ARHGAP11A: variants seen among roughly 807,000 people sequenced by gnomAD.
ARHGAP11A encodes rho GTPase-activating protein 11A.
A neutral mutation model predicts 60.5 loss-of-function variants in ARHGAP11A; 36 were observed. The ratio of observed to expected loss-of-function variants is 0.59; its 90% CI spans 0.46 to 0.79. The LOEUF (loss-of-function observed/expected upper bound fraction) is 0.79, where lower values mean the gene tolerates loss of function less well. Among genes scored for constraint, ARHGAP11A ranks in the 30% least tolerant of loss-of-function variants. The probability of loss-of-function intolerance (pLI) is 0.00; values close to 1 mark genes in which losing one functional copy is unlikely to be tolerated. For synonymous variants in ARHGAP11A, 362 were observed against 415.5 expected (o/e 0.87, Z 1.57); for missense variants, 1,071 against 1,199.2 (o/e 0.89, Z 1.58).
chr15:32,637,919 T>C lies in ARHGAP11A; in HGVS notation c.*74T>C. ...TATGACTTGCAGGATGATGTACATG[T>C]TAGTTTGTAGCTCAGGATGATTGTT... On this transcript the variant is annotated 3_prime_UTR_variant, in exon 12 of 12. Transcript: ENST00000361627. 7.8e-7 allele frequency: 1 copy of C among 1,275,364 alleles called. No individual in the cohort carries two copies. Among genetic ancestry groups the C allele is most frequent in the Non-Finnish European group, 1.1e-6 (1 of 934,382 alleles). The allele number at this position is 1,275,364 out of a possible 1,614,324, so 79.0% of individuals were successfully genotyped here.
Position 32,636,933 on chromosome 15 carries a change from T to TGAA in ARHGAP11A, c.2164_2166dup (p.Glu722dup). 6.2e-7 allele frequency: 1 copy of TGAA among 1,611,246 alleles called. No individual in the cohort carries two copies. Among genetic ancestry groups the TGAA allele is most frequent in the Non-Finnish European group, 8.5e-7 (1 of 1,179,248 alleles). On this transcript the variant is annotated inframe_insertion, in exon 12 of 12. Coordinates refer to ENST00000361627, the MANE Select transcript of ARHGAP11A (RefSeq NM_014783.6). ...TAAGCAAGCAAGAATTCTCCAGTGA[T>TGAA]GAAGAAATAAAGAAACAGCAGTCCC...
chr15:32,623,743 G>C (rs2140452092), intron 3 of ARHGAP11A, among the ~76,000 whole-genome samples, 155 bp downstream of exon 3: 1 of 151,640 alleles, frequency 6.6e-6, no homozygotes, highest in South Asian at 2.1e-4. Flanking sequence ...CAAAAGAAAT[G>C]GTATATTATT....
At chr15:32,635,946 C>A (rs375099725) in intron 11 of ARHGAP11A, 31 bp downstream of exon 11, 1 of 1,548,286 alleles carries the variant, frequency 6.5e-7, no homozygotes, top group South Asian at 1.3e-5. Context: ...TAGAGTTTTA[C>A]CTAAAAATCC....
chr15:32,622,501 T>C (rs571985892), intron 2 of ARHGAP11A, among the ~76,000 whole-genome samples: 164 of 152,376 alleles, frequency 1.1e-3, no homozygotes, highest in African/African-American at 3.7e-3. Context: ...TATATCTTCA[T>C]TGTAATTTCA....
At chr15:32,621,836 AAAAG>A (rs2053324200) in intron 2 of ARHGAP11A, among the ~76,000 whole-genome samples, 11 of 143,772 alleles carry the variant, frequency 7.7e-5, no homozygotes, top group East Asian at 2.0e-4. Context: ...AAAAAAAAAA[AAAAG>A]AAAAAAAAAG....
rs149897100 is a variant in ARHGAP11A, at chr15:32,637,770, C to G, written c.2997C>G (p.Ala999=). 6.2e-7 allele frequency: 1 copy of G among 1,613,706 alleles called. No homozygotes were observed. Among genetic ancestry groups the G allele is most frequent in the Admixed American group, 1.7e-5 (1 of 59,946 alleles). Residue 999 remains alanine (A), a synonymous_variant, in exon 12 of 12, where the codon GCC becomes GCG. Transcript: ENST00000361627. Reference sequence around the variant, plus strand: ...GGAGACCATCAGAAAGAGGAAGGGCCTGGTACAAAGGTTCTCCAAAACATC... The same window carrying G: ...GGAGACCATCAGAAAGAGGAAGGGCGTGGTACAAAGGTTCTCCAAAACATC... ...VLRRPSERGR[A]WYKGSPKHPI...
At chr15:32,627,273 A>G (rs1248201313) in intron 6 of ARHGAP11A, among the ~76,000 whole-genome samples, 1 of 151,820 alleles carries the variant, frequency 6.6e-6, no homozygotes, top group East Asian at 1.9e-4. Flanking sequence ...TATCCTCTTT[A>G]TCCTGGTTCT....
rs150942311 is a variant in ARHGAP11A, at chr15:32,625,541, G to A, written c.770G>A (p.Gly257Asp). 2 of 1,613,874 alleles carry A rather than the reference G, an allele frequency of 1.2e-6. No individual in the cohort carries two copies. Among genetic ancestry groups the A allele is most frequent in the South Asian group, 1.1e-5 (1 of 91,076 alleles). ...ATACCAGCCATGTTGGGTATTGATG[G>A]TCTCTGTGCTACTCCATCACTGGAA... Reference protein sequence around the residue: ...EKIPAMLGIDGLCATPSLEGF... With the variant: ...EKIPAMLGIDDLCATPSLEGF... Residue 257 changes from glycine (G) to aspartate (D), a missense_variant, in exon 6 of 12, where the codon GGT becomes GAT. This residue lies in a region of ARHGAP11A where 196 missense variants were observed against 272.1 expected (regional missense o/e 0.72). Transcript: ENST00000361627.
In ARHGAP11A at chr15:32,628,922, A is replaced by G. The variant is rs2053528580; in HGVS notation, c.937+120A>G. 4.1e-6 allele frequency: 3 copies of G among 732,936 alleles called. No individual in the cohort carries two copies. The South Asian group carries it at 8.1e-5, about 20-fold the overall frequency. The allele number at this position is 732,936 out of a possible 1,614,324, so 45.4% of individuals were successfully genotyped here. A position where few individuals can be genotyped will look rare whatever the true frequency, so the allele number is the denominator to read the frequency against. ...ATTTAGTTTAATCAAATCAAATATTATTTTTAATAGTCATACTGTACTATA... is the reference window on the plus strand; with the variant it reads ...ATTTAGTTTAATCAAATCAAATATTGTTTTTAATAGTCATACTGTACTATA... On this transcript the variant is annotated intron_variant, in intron 7 of 11. Transcript: ENST00000361627.
In ARHGAP11A at chr15:32,637,048, G is replaced by A. The variant is rs370589918; in HGVS notation, c.2275G>A (p.Ala759Thr). 3.7e-6 allele frequency: 6 copies of A among 1,613,878 alleles called. No homozygotes were observed. The highest frequency in any genetic ancestry group is 1.3e-5 in the African/African-American group (1 of 74,934). ...GTGTGCAGCACATAGCAAGGACGAG[G>A]CTAGATCCTCTTTCTCACAGCAGAG... ...PKCAAHSKDE[A>T]RSSFSQQSTC... The change falls in exon 12 of 12, where the codon GCT (alanine) becomes ACT (threonine). Residue 759 changes from alanine to threonine, a missense_variant. Physicochemically the swap from Ala to Thr is moderately conservative, Grantham distance 58 (BLOSUM62 0). This residue lies in a region of ARHGAP11A where 776 missense variants were observed against 760.2 expected (regional missense o/e 1.02). Transcript: ENST00000361627.
intron 5 of ARHGAP11A, 97 bp downstream of exon 5, chr15:32,625,340 A>G: frequency 1.4e-6 from 2 of 1,459,310 alleles, no homozygotes; most frequent in East Asian, 4.6e-5. Flanking sequence ...GAAAGTTGGT[A>G]TATTACTGAC....
In ARHGAP11A at chr15:32,615,643, C is replaced by T. The variant is rs2053116590; in HGVS notation, c.-569C>T. The stretch of plus-strand genomic sequence containing the variant: ...GCTGATGGGGGAGGGAACGAGCAGC[C>T]TGTGAGACGGGGTGACGGCGGCTAC... On this transcript the variant is annotated 5_prime_UTR_variant, in exon 1 of 12. Coordinates refer to ENST00000361627, the MANE Select transcript of ARHGAP11A (RefSeq NM_014783.6). 1 of 152,678 alleles carries T rather than the reference C, an allele frequency of 6.5e-6. No homozygotes were observed. The highest frequency in any genetic ancestry group is 2.4e-5 in the African/African-American group (1 of 41,364). 9.5% of individuals were successfully genotyped at this position (152,678 alleles called of 1,614,324 possible). A position where few individuals can be genotyped will look rare whatever the true frequency, so the allele number is the denominator to read the frequency against.
chr15:32,633,008 T>C lies in ARHGAP11A; in HGVS notation c.1135T>C (p.Ser379Pro). The change falls in exon 9 of 12, where the codon TCT (serine) becomes CCT (proline). Residue 379 changes from serine to proline, a missense_variant. Physicochemically the swap from Ser to Pro is moderately conservative, Grantham distance 74. Transcript: ENST00000361627. ...VHIDTSSEGS[S>P]QSSLSPVLIG... ...CATCGATACAAGCTCAGAAGGGTCA[T>C]CTCAGAGTTCACTCTCTCCTGTACT... 1 of 1,613,932 alleles carries C rather than the reference T, an allele frequency of 6.2e-7. No homozygotes were observed. Among genetic ancestry groups the C allele is most frequent in the Non-Finnish European group, 8.5e-7 (1 of 1,179,834 alleles).
At chr15:32,628,909 C>G in intron 7 of ARHGAP11A, 107 bp downstream of exon 7, 1 of 811,486 alleles carries the variant, frequency 1.2e-6, no homozygotes, top group Non-Finnish European at 1.8e-6. Flanking sequence ...TTAGTTTAAT[C>G]AAATCAAATA....
intron 6 of ARHGAP11A, among the ~76,000 whole-genome samples, chr15:32,626,245 G>T (rs554004117): frequency 1.3e-5 from 2 of 151,240 alleles, no homozygotes; most frequent in South Asian, 4.2e-4. Flanking sequence ...GGTCAGCAAT[G>T]TGTGTCAGTA....
intron 5 of ARHGAP11A, 46 bp from the exon 6 acceptor site, chr15:32,625,441 T>G (rs1040741076): frequency 2.2e-5 from 35 of 1,591,640 alleles, no homozygotes; most frequent in Non-Finnish European, 2.7e-5. Flanking sequence ...TGGGGAAGAG[T>G]GGAGGAAGGA....
At position 32,621,305 on chromosome 15, in the gene ARHGAP11A, C is replaced by T. The variant is rs543620410; in HGVS notation, c.200+1127C>T. On this transcript the variant is annotated intron_variant, in intron 2 of 11. Coordinates refer to ENST00000361627, the MANE Select transcript of ARHGAP11A (RefSeq NM_014783.6). Reference sequence around the variant, plus strand: ...TCCTGGGTTCAAGTGATTCTCCTGCCTCAGCCTCCGGAGTAGCTGGGATTA... The same window carrying T: ...TCCTGGGTTCAAGTGATTCTCCTGCTTCAGCCTCCGGAGTAGCTGGGATTA... 1.7e-4 allele frequency among the ~76,000 whole-genome samples: 25 copies of T among 149,788 alleles called. No individual in the cohort carries two copies. The East Asian group carries it at 5.0e-3, about 30-fold the overall frequency.
rs1388952375 is a variant in ARHGAP11A at position 32,638,367 on chromosome 15, G to A, written c.*522G>A. On this transcript the variant is annotated 3_prime_UTR_variant, in exon 12 of 12. Coordinates refer to ENST00000361627, the MANE Select transcript of ARHGAP11A (RefSeq NM_014783.6). ...ATTACAGGCATGAGCCACCACGCCCGGCTAGACTTTACCTTTCTAAAGAAA... is the reference window on the plus strand; with the variant it reads ...ATTACAGGCATGAGCCACCACGCCCAGCTAGACTTTACCTTTCTAAAGAAA... 3 of 152,306 alleles carry A rather than the reference G, an allele frequency of 2.0e-5. No homozygotes were observed. The highest frequency in any genetic ancestry group is 4.8e-5 in the African/African-American group (2 of 41,434). 9.4% of individuals were successfully genotyped at this position (152,306 alleles called of 1,614,324 possible). A position where few individuals can be genotyped will look rare whatever the true frequency, so the allele number is the denominator to read the frequency against.
chr15:32,633,185 C>T (rs781146198), intron 9 of ARHGAP11A, 77 bp downstream of exon 9: 21 of 1,505,952 alleles, frequency 1.4e-5, no homozygotes, highest in Non-Finnish European at 1.8e-5. Context: ...TTTTGTCTTT[C>T]TGTCAAGCAT....
Sources: allele counts gnomAD v4.1 joint callset (sites outside exome capture counted in the v4.1 genomes callset), GRCh38; gene constraint gnomAD v4.1.1; regional missense constraint gnomAD v4.1.1; transcripts MANE v1.5; gene names NCBI Gene and HGNC (gene_info 2026-07-23, HGNC 2026-07-21).